The following RIMS2 variants were observed in gnomAD, a reference collection of about 807,000 sequenced individuals.
RIMS2 encodes the protein regulating synaptic membrane exocytosis protein 2.
In RIMS2, 59 loss-of-function variants were observed where a neutral mutation model predicts 174.4. The ratio of observed to expected loss-of-function variants is 0.34; its 90% CI spans 0.27 to 0.42. RIMS2 has a LOEUF of 0.42. RIMS2 is among the 10% of genes least tolerant of loss of function. The pLI is 1.00. For synonymous variants in RIMS2, 606 were observed against 572.5 expected (o/e 1.06, Z -0.84); for missense variants, 1,620 against 1,666.3 (o/e 0.97, Z 0.48).
intron 2 of RIMS2, among the ~76,000 whole-genome samples, chr8:103,760,642 A>G (rs1445587687): frequency 4.0e-5 from 6 of 151,428 alleles, no homozygotes; most frequent in Non-Finnish European, 8.8e-5. Flanking sequence ...AGATCTCTGC[A>G]TTCTTGTTTT....
chr8:103,948,817 A>G (rs2084487187), intron 14 of RIMS2, among the ~76,000 whole-genome samples: 2 of 152,094 alleles, frequency 1.3e-5, no homozygotes. Flanking sequence ...TTTATGTTAT[A>G]TAAATTATAC....
At chr8:103,886,575 A>T (rs1371048816) in intron 4 of RIMS2, among the ~76,000 whole-genome samples, 1 of 151,932 alleles carries the variant, frequency 6.6e-6, no homozygotes, top group Admixed American at 6.6e-5. Flanking sequence ...TATATTCACT[A>T]TAAAACATCT....
intron 19 of RIMS2, among the ~76,000 whole-genome samples, chr8:104,079,353 G>T (rs1053111061): frequency 1.1e-4 from 17 of 151,582 alleles, no homozygotes; most frequent in African/African-American, 3.9e-4. Context: ...TCCTTTTACC[G>T]TCAGCAAAAT....
intron 1 of RIMS2, among the ~76,000 whole-genome samples, chr8:103,564,689 C>T (rs1353687672): frequency 2.6e-5 from 4 of 152,182 alleles, no homozygotes; most frequent in East Asian, 1.9e-4. Flanking sequence ...AGTCCTTCCA[C>T]GTTCTTCTGC....
intron 19 of RIMS2, among the ~76,000 whole-genome samples, chr8:104,219,975 A>T (rs1180755896): frequency 2.6e-5 from 4 of 152,224 alleles, no homozygotes; most frequent in African/African-American, 9.6e-5. Flanking sequence ...ACTTATTAAT[A>T]TACATAAACC....
intron 3 of RIMS2, among the ~76,000 whole-genome samples, chr8:103,790,279 C>A (rs965878531): frequency 3.9e-5 from 6 of 152,154 alleles, no homozygotes; most frequent in African/African-American, 1.4e-4. Flanking sequence ...TTCCTCAGTC[C>A]TCTGGCAACC....
At chr8:103,509,698 G>A (rs924868252) in intron 1 of RIMS2, among the ~76,000 whole-genome samples, 2 of 152,036 alleles carry the variant, frequency 1.3e-5, no homozygotes, top group African/African-American at 2.4e-5. Flanking sequence ...TAGAGTTATG[G>A]AAAGGGGAAA....
intron 14 of RIMS2, among the ~76,000 whole-genome samples, chr8:103,949,146 AAGGGAAAGGGAAAG>A (rs1420168594): frequency 1.8e-5 from 2 of 112,492 alleles, no homozygotes; most frequent in Non-Finnish European, 4.4e-5. Context: ...AAAAAAAAAA[AAGGGAAAGGGAAAG>A]GGAAAGGGAA....
At position 103,800,124 on chromosome 8, in the gene RIMS2, A is replaced by G. The variant is rs547374082; in HGVS notation, c.698+33587A>G. On this transcript the variant is annotated intron_variant, in intron 3 of 23. Transcript: ENST00000504942. ...ACATCACTGGTTTTTGCACTTATATATAATGTTTATAATGCACTTATATAT... is the reference window on the plus strand; with the variant it reads ...ACATCACTGGTTTTTGCACTTATATGTAATGTTTATAATGCACTTATATAT... Among the ~76,000 whole-genome samples, 43 of 152,274 alleles carry G rather than the reference A, an allele frequency of 2.8e-4. No individual in the cohort carries two copies. The Middle Eastern group carries it at 0.01, about 36-fold the overall frequency.
At chr8:104,199,357 C>T (rs6992548) in intron 19 of RIMS2, among the ~76,000 whole-genome samples, 61,752 of 152,008 alleles carry the variant, frequency 0.41, 13,000 homozygotes, top group East Asian at 0.65. Flanking sequence ...CCACCACGCC[C>T]GGCCTATTTT....
intron 19 of RIMS2, among the ~76,000 whole-genome samples, chr8:104,082,229 A>C (rs2097433744): frequency 6.6e-6 from 1 of 152,054 alleles, no homozygotes; most frequent in Non-Finnish European, 1.5e-5. Context: ...AAAAGGAAAA[A>C]GAGAATTAAA....
chr8:103,617,575 C>T (rs139499117), intron 1 of RIMS2, among the ~76,000 whole-genome samples: 1 of 152,056 alleles, frequency 6.6e-6, no homozygotes, highest in African/African-American at 2.4e-5. Context: ...AACAGACAGC[C>T]TATAGAATGG....
At chr8:103,782,361 C>T (rs1466766129) in intron 3 of RIMS2, among the ~76,000 whole-genome samples, 3 of 151,492 alleles carry the variant, frequency 2.0e-5, no homozygotes, top group Non-Finnish European at 4.4e-5. Context: ...TTTGTTTAGT[C>T]TGTAATGATG....
At chr8:103,692,970 G>C (rs1191852422) in intron 1 of RIMS2, among the ~76,000 whole-genome samples, 3 of 152,164 alleles carry the variant, frequency 2.0e-5, no homozygotes, top group Non-Finnish European at 4.4e-5. Context: ...GGTCCTTGTG[G>C]TCTGGACTGC....
intron 2 of RIMS2, among the ~76,000 whole-genome samples, chr8:103,749,252 C>A (rs1040687787): frequency 1.3e-5 from 2 of 151,914 alleles, no homozygotes; most frequent in Non-Finnish European, 2.9e-5. Flanking sequence ...GCTGGGACTA[C>A]AGGCATCCGC....
chr8:103,904,809 G>A (rs2074017253), intron 4 of RIMS2, among the ~76,000 whole-genome samples: 1 of 151,352 alleles, frequency 6.6e-6, no homozygotes, highest in South Asian at 2.1e-4. Flanking sequence ...TCATTTTGTT[G>A]TTTTCTTTTC....
intron 1 of RIMS2, among the ~76,000 whole-genome samples, chr8:103,692,408 G>A (rs1233664317): frequency 6.6e-6 from 1 of 152,166 alleles, no homozygotes; most frequent in Non-Finnish European, 1.5e-5. Flanking sequence ...GCCTGAGCTG[G>A]ACCCAAGCCA....
Position 104,049,325 on chromosome 8 carries a change from A to G in RIMS2, c.3334+34710A>G, listed in dbSNP as rs375160685. Among the ~76,000 whole-genome samples, 19 of 152,214 alleles carry G rather than the reference A, an allele frequency of 1.2e-4. No individual in the cohort carries two copies. The East Asian group carries it at 3.3e-3, about 26-fold the overall frequency. ...TCCCAGCTACTCGGGAGGCTGAGGCAGGAGAATGGCGTGAACCCGAACCCG... is the reference window on the plus strand; with the variant it reads ...TCCCAGCTACTCGGGAGGCTGAGGCGGGAGAATGGCGTGAACCCGAACCCG... On this transcript the variant is annotated intron_variant, in intron 19 of 23. Coordinates refer to ENST00000504942, the Ensembl canonical transcript of RIMS2.
intron 16 of RIMS2, among the ~76,000 whole-genome samples, chr8:103,989,059 T>A (rs1261785608): frequency 6.6e-6 from 1 of 152,194 alleles, no homozygotes; most frequent in East Asian, 1.9e-4. Context: ...ATAGTCCTTA[T>A]CATATCCCCA....
Sources: allele counts gnomAD v4.1 joint callset (sites outside exome capture counted in the v4.1 genomes callset), GRCh38; gene constraint gnomAD v4.1.1; transcripts MANE v1.5; gene names NCBI Gene and HGNC (gene_info 2026-07-23, HGNC 2026-07-21).